ME1: variants seen among roughly 807,000 people sequenced by gnomAD.
ME1 encodes the protein malic enzyme 1, also known as NADP-dependent malic enzyme.
ME1 carries 74 observed loss-of-function variants against 66.4 expected under a neutral mutation model. The ratio of observed to expected loss-of-function variants is 1.11; its 90% CI spans 0.92 to 1.35. ME1 has a LOEUF of 1.35. ME1 is among the 40% of genes most tolerant of loss of function. The pLI is 0.00. For missense variants in ME1, 750 were observed against 694.1 expected (o/e 1.08, Z -0.90); for synonymous variants, 251 against 235.6 (o/e 1.07, Z -0.60).
chr6:83,322,129 T>C (rs897830101), intron 5 of ME1, among the ~76,000 whole-genome samples: 8 of 151,906 alleles, frequency 5.3e-5, no homozygotes, highest in African/African-American at 1.9e-4. Context: ...AGGACAACCA[T>C]GCAAAAACCC....
chr6:83,417,370 T>TGTTG (rs111564368), intron 1 of ME1, among the ~76,000 whole-genome samples: 2 of 149,768 alleles, frequency 1.3e-5, no homozygotes, highest in African/African-American at 4.9e-5. Context: ...TTTGTTGTTT[T>TGTTG]TTGTTGTTGT....
chr6:83,363,169 T>C (rs956773049), intron 3 of ME1, among the ~76,000 whole-genome samples: 8 of 152,014 alleles, frequency 5.3e-5, no homozygotes, highest in Admixed American at 3.3e-4. Flanking sequence ...ACTAGCAAAA[T>C]TTTTGCTTCC....
At chr6:83,411,921 T>C (rs1770055599) in intron 1 of ME1, among the ~76,000 whole-genome samples, 1 of 152,342 alleles carries the variant, frequency 6.6e-6, no homozygotes, top group Admixed American at 6.5e-5. Context: ...GTACGTTGTT[T>C]CACTGCTAAG....
chr6:83,429,412 A>G (rs1481198548), intron 1 of ME1, among the ~76,000 whole-genome samples: 1 of 152,188 alleles, frequency 6.6e-6, no homozygotes, highest in Non-Finnish European at 1.5e-5. Context: ...TATACAACTC[A>G]TGTGGTCCTT....
Position 83,237,706 on chromosome 6 carries a change from C to A in ME1, c.1026+11G>T. 2.7e-6 allele frequency: 4 copies of A among 1,504,872 alleles called. No individual in the cohort carries two copies. Among genetic ancestry groups the A allele is most frequent in the Non-Finnish European group, 3.6e-6 (4 of 1,096,570 alleles). 93.2% of individuals were successfully genotyped at this position (1,504,872 alleles called of 1,614,324 possible). On this transcript the variant is annotated intron_variant, in intron 9 of 13. Coordinates refer to ENST00000369705, the MANE Select transcript of ME1 (RefSeq NM_002395.6). ...TTATCTTTATTCTGGTTAAAAATGA[C>A]AAATTCTTACCTTAACTATTAATCC...
rs1562455378 is a variant in ME1, at chr6:83,237,315, A to AAAG, written c.1026+401_1026+402insCTT. Reference sequence around the variant, plus strand: ...AGGAAAGAAAGAAAAAGAAAGAAAGAAAAGGAAGGAAAGGAAGGAAGGAAG... The same window carrying AAAG: ...AGGAAAGAAAGAAAAAGAAAGAAAGAAAGAAAGGAAGGAAAGGAAGGAAGGAAG... On this transcript the variant is annotated intron_variant, in intron 9 of 13. Coordinates refer to ENST00000369705, the MANE Select transcript of ME1 (RefSeq NM_002395.6). 3.3e-4 allele frequency among the ~76,000 whole-genome samples: 20 copies of AAAG among 60,234 alleles called. 2 individuals carry two copies. Among genetic ancestry groups the AAAG allele is most frequent in the African/African-American group, 1.1e-3 (17 of 15,094 alleles). The allele number at this position is 60,234 out of a possible 152,430, so 39.5% of individuals were successfully genotyped here.
chr6:83,316,291 T>C (rs1362732700), intron 5 of ME1, among the ~76,000 whole-genome samples: 2 of 152,202 alleles, frequency 1.3e-5, no homozygotes, highest in African/African-American at 4.8e-5. Flanking sequence ...TGTTGCCCTG[T>C]GTAAATTTTG....
chr6:83,237,605 C>T lies in ME1; in HGVS notation c.1026+112G>A, dbSNP rs1404210643. The T allele has an allele frequency of 1.3e-5, 7 of 528,496 alleles. No homozygotes were observed. The East Asian group carries it at 2.1e-4, about 16-fold the overall frequency. The allele number at this position is 528,496 out of a possible 1,614,324, so 32.7% of individuals were successfully genotyped here. ...TGACATGATCATTTGTATTTAATGG[C>T]TACTCTTTTAATATAGTGTAAAGGG... is the stretch of plus-strand genomic sequence containing the variant. On this transcript the variant is annotated intron_variant, in intron 9 of 13. Coordinates refer to ENST00000369705, the MANE Select transcript of ME1 (RefSeq NM_002395.6).
At chr6:83,281,804 TC>T (rs1767293528) in intron 6 of ME1, among the ~76,000 whole-genome samples, 2 of 31,186 alleles carry the variant, frequency 6.4e-5, no homozygotes, top group Non-Finnish European at 1.1e-4. Flanking sequence ...AGACTCTGTC[TC>T]CAAAAAAAAA....
At chr6:83,261,228 T>C (rs533548271) in intron 6 of ME1, among the ~76,000 whole-genome samples, 1 of 152,202 alleles carries the variant, frequency 6.6e-6, no homozygotes, top group African/African-American at 2.4e-5. Context: ...TGAGCTTTTT[T>C]TCATATGCTT....
chr6:83,377,940 A>G (rs13205856), intron 3 of ME1, among the ~76,000 whole-genome samples: 8,513 of 152,274 alleles, frequency 0.056, 302 homozygotes, highest in Admixed American at 0.098. Context: ...AAATCATGAA[A>G]TTATTCAAAC....
rs145569223 is a variant in ME1 at position 83,216,565 on chromosome 6, A to C, written c.1481T>G (p.Leu494Trp). ...AGGAGGATAAAGCCGACCCTCTTCC[A>C]AGTGTTTATCTGACACTTGCTGAGC... Reference protein sequence around the residue: ...VIAQQVSDKHLEEGRLYPPLN... With the variant: ...VIAQQVSDKHWEEGRLYPPLN... The change falls in exon 13 of 14, where the codon TTG (leucine) becomes TGG (tryptophan). Residue 494 changes from leucine (L) to tryptophan (W), a missense_variant. Transcript: ENST00000369705. The C allele has an allele frequency of 9.9e-6, 16 of 1,610,784 alleles. No individual in the cohort carries two copies. Among genetic ancestry groups the C allele is most frequent in the Non-Finnish European group, 1.3e-5 (15 of 1,179,352 alleles).
At chr6:83,313,586 CTT>C (rs1351846122) in intron 6 of ME1, among the ~76,000 whole-genome samples, 1 of 152,136 alleles carries the variant, frequency 6.6e-6, no homozygotes, top group African/African-American at 2.4e-5. Context: ...TTTAGATAGA[CTT>C]TATTCCAGAC....
chr6:83,342,591 T>A (rs1768608084), intron 5 of ME1, among the ~76,000 whole-genome samples: 1 of 152,246 alleles, frequency 6.6e-6, no homozygotes, highest in African/African-American at 2.4e-5. Context: ...CATAAATTTG[T>A]ATATTTTTAT....
chr6:83,243,643 TCGATA>T (rs1218837646), intron 7 of ME1, among the ~76,000 whole-genome samples: 11 of 104,900 alleles, frequency 1.0e-4, no homozygotes, highest in South Asian at 2.6e-4. Flanking sequence ...TTACATTATA[TCGATA>T]TAATCTATTA....
Position 83,223,757 on chromosome 6 carries a change from T to C in ME1, c.1449+3A>G. 6.2e-7 allele frequency: 1 copy of C among 1,612,898 alleles called. No homozygotes were observed. ...TTGGTAAACTTAGAGGATTTTACAA[T>C]ACCTCAGCAGTAGTGAGGAAAATAT... On this transcript the variant is annotated splice_donor_region_variant and intron_variant, in intron 12 of 13. Transcript: ENST00000369705.
chr6:83,263,199 T>C (rs1257632800), intron 6 of ME1, among the ~76,000 whole-genome samples: 1 of 152,214 alleles, frequency 6.6e-6, no homozygotes, highest in African/African-American at 2.4e-5. Flanking sequence ...GTTGTGTATG[T>C]TCTGACTGCT....
chr6:83,405,922 C>T (rs1271796106), intron 2 of ME1, among the ~76,000 whole-genome samples: 1 of 151,904 alleles, frequency 6.6e-6, no homozygotes, highest in Non-Finnish European at 1.5e-5. Context: ...GGGGTTTCAC[C>T]GTTTTAGCCG....
chr6:83,354,519 A>C (rs1160410820), intron 3 of ME1, among the ~76,000 whole-genome samples: 4 of 152,104 alleles, frequency 2.6e-5, no homozygotes, highest in Non-Finnish European at 5.9e-5. Context: ...CAAACTATAA[A>C]TCTAACTACC....
Sources: allele counts gnomAD v4.1 joint callset (sites outside exome capture counted in the v4.1 genomes callset), GRCh38; gene constraint gnomAD v4.1.1; transcripts MANE v1.5; gene names NCBI Gene and HGNC (gene_info 2026-07-23, HGNC 2026-07-21).